Variants in TGFBR3 observed in about 807,000 individuals in gnomAD.
TGFBR3 encodes transforming growth factor beta receptor type 3.
TGFBR3 carries 46 observed loss-of-function variants against 87.9 expected under a neutral mutation model. The ratio of observed to expected loss-of-function variants is 0.52; its 90% CI spans 0.41 to 0.67. The LOEUF (loss-of-function observed/expected upper bound fraction) is 0.67. Among genes scored for constraint, TGFBR3 ranks in the 30% least tolerant of loss-of-function variants. The probability of loss-of-function intolerance (pLI) is 0.00; values close to 1 mark genes in which losing one functional copy is unlikely to be tolerated. For missense variants in TGFBR3, 866 were observed against 1,041.9 expected (o/e 0.83, Z 2.32); for synonymous variants, 381 against 391.6 (o/e 0.97, Z 0.32).
At chr1:91,686,850 G>A (rs960817848) in intron 16 of TGFBR3, among the ~76,000 whole-genome samples, 3 of 152,210 alleles carry the variant, frequency 2.0e-5, no homozygotes, top group African/African-American at 7.2e-5. Context: ...GGGCAGGGAG[G>A]ACCTCGTGGC....
chr1:91,704,675 C>T (rs1671734519), intron 14 of TGFBR3, among the ~76,000 whole-genome samples: 1 of 152,250 alleles, frequency 6.6e-6, no homozygotes, highest in Non-Finnish European at 1.5e-5. Context: ...CCATCACTAT[C>T]ATCACCATCA....
chr1:91,806,788 A>G (rs1415852155), intron 2 of TGFBR3, among the ~76,000 whole-genome samples: 3 of 152,224 alleles, frequency 2.0e-5, no homozygotes, highest in Non-Finnish European at 4.4e-5. Flanking sequence ...TTATTGTCCC[A>G]CAGGGAATTC....
At chr1:91,828,700 C>T (rs1676736465) in intron 2 of TGFBR3, among the ~76,000 whole-genome samples, 1 of 152,178 alleles carries the variant, frequency 6.6e-6, no homozygotes, top group African/African-American at 2.4e-5. Context: ...AGGCACACTA[C>T]TAAAGTTAAG....
chr1:91,809,642 C>A (rs1253025623), intron 2 of TGFBR3, among the ~76,000 whole-genome samples: 1 of 152,200 alleles, frequency 6.6e-6, no homozygotes, highest in Non-Finnish European at 1.5e-5. Context: ...AACACATTTA[C>A]TTTAAGGAGT....
At chr1:91,900,077 A>T (rs1271067045) in intron 1 of TGFBR3, among the ~76,000 whole-genome samples, 1 of 152,160 alleles carries the variant, frequency 6.6e-6, no homozygotes, top group Non-Finnish European at 1.5e-5. Flanking sequence ...ATACTCCTAG[A>T]TATCCCTCTC....
chr1:91,752,323 C>T lies in TGFBR3; in HGVS notation c.384+6290G>A, dbSNP rs370880321. Among the ~76,000 whole-genome samples, 15 of 152,252 alleles carry T rather than the reference C, an allele frequency of 9.9e-5. No homozygotes were observed. In the East Asian group the frequency reaches 1.2e-3, roughly 12 times the overall value. Reference sequence around the variant, plus strand: ...ATTGGGCATCCTCTATTTTTATATGCCAGCTCCAGCAATTGTACCTCAAAG... The same window carrying T: ...ATTGGGCATCCTCTATTTTTATATGTCAGCTCCAGCAATTGTACCTCAAAG... On this transcript the variant is annotated intron_variant, in intron 4 of 16. Coordinates refer to ENST00000212355, the MANE Select transcript of TGFBR3 (RefSeq NM_003243.5).
At chr1:91,773,980 A>C (rs1014668076) in intron 3 of TGFBR3, among the ~76,000 whole-genome samples, 1 of 152,208 alleles carries the variant, frequency 6.6e-6, no homozygotes, top group African/African-American at 2.4e-5. Flanking sequence ...GTGCCCACTT[A>C]GTCTTTTACA....
intron 2 of TGFBR3, among the ~76,000 whole-genome samples, chr1:91,859,956 T>C (rs1015551437): frequency 1.3e-5 from 2 of 151,696 alleles, no homozygotes; most frequent in Non-Finnish European, 2.9e-5. Flanking sequence ...AACATTCTAC[T>C]TTCCAATCCA....
At chr1:91,792,956 G>T (rs181960034) in intron 3 of TGFBR3, among the ~76,000 whole-genome samples, 1 of 152,340 alleles carries the variant, frequency 6.6e-6, no homozygotes, top group African/African-American at 2.4e-5. Flanking sequence ...AATGAGAGGT[G>T]TGTTCTCAGA....
At chr1:91,747,277 C>A (rs377232610) in intron 4 of TGFBR3, among the ~76,000 whole-genome samples, 2 of 152,298 alleles carry the variant, frequency 1.3e-5, no homozygotes, top group African/African-American at 4.8e-5. Context: ...TGTCTTAGGG[C>A]AAGCTTTCTA....
upstream of TGFBR3, among the ~76,000 whole-genome samples, chr1:91,888,804 T>A (rs1242710322): frequency 6.6e-6 from 1 of 152,214 alleles, no homozygotes; most frequent in African/African-American, 2.4e-5. Context: ...AGTGATGAAG[T>A]GACTGGTCCC....
intron 3 of TGFBR3, among the ~76,000 whole-genome samples, chr1:91,764,634 A>G (rs935657363): frequency 6.6e-6 from 1 of 152,134 alleles, no homozygotes; most frequent in Admixed American, 6.5e-5. Context: ...GTTCGGGTGG[A>G]GGAACGCTGC....
chr1:91,853,879 G>A (rs1295969443), intron 2 of TGFBR3, among the ~76,000 whole-genome samples: 3 of 152,064 alleles, frequency 2.0e-5, no homozygotes, highest in Admixed American at 6.5e-5. Flanking sequence ...CAGGTGTGGC[G>A]GCGCATGCCT....
Position 91,683,295 on chromosome 1 carries a change from A to C in TGFBR3, c.*444T>G. The C allele has an allele frequency of 2.2e-6, 1 of 457,976 alleles. No individual in the cohort carries two copies. Among genetic ancestry groups the C allele is most frequent in the Non-Finnish European group, 4.4e-6 (1 of 229,184 alleles). The allele number at this position is 457,976 out of a possible 1,614,324, so 28.4% of individuals were successfully genotyped here. ...CATTTCTTGTTTTACATCTTGGTTC[A>C]GATATAAAGAATCTTTGGCCGCATC... On this transcript the variant is annotated 3_prime_UTR_variant, in exon 17 of 17. Transcript: ENST00000212355.
At position 91,861,556 on chromosome 1, in the gene TGFBR3, C is replaced by A; in HGVS notation, c.-25G>T. ...TTTTTATTTCTCCAACAGTGCGTCT[C>A]GTCCAGTCACTTCAGCCTGCTCAGA... On this transcript the variant is annotated 5_prime_UTR_variant, in exon 2 of 17. Coordinates refer to ENST00000212355, the MANE Select transcript of TGFBR3 (RefSeq NM_003243.5). The A allele has an allele frequency of 6.3e-7, 1 of 1,596,930 alleles. No individual in the cohort carries two copies. Among genetic ancestry groups the A allele is most frequent in the South Asian group, 1.1e-5 (1 of 90,724 alleles).
chr1:91,789,025 C>T (rs1675079932), intron 3 of TGFBR3, among the ~76,000 whole-genome samples: 4 of 152,116 alleles, frequency 2.6e-5, no homozygotes, highest in East Asian at 1.9e-4. Flanking sequence ...CAGCTGGGCA[C>T]GGTGGCTCAC....
chr1:91,744,747 T>C (rs1260148579), intron 4 of TGFBR3, among the ~76,000 whole-genome samples: 2 of 152,200 alleles, frequency 1.3e-5, no homozygotes, highest in Non-Finnish European at 2.9e-5. Flanking sequence ...TTCTAGGCCA[T>C]AGATATGAAT....
At chr1:91,758,538 G>A (rs1222919975) in intron 4 of TGFBR3, 75 bp downstream of exon 4, 16 of 1,553,412 alleles carry the variant, frequency 1.0e-5, no homozygotes, top group African/African-American at 1.4e-5. Flanking sequence ...AAGCCTTTAT[G>A]AAAAGTTTGG....
At chr1:91,756,551 A>G (rs1673753506) in intron 4 of TGFBR3, among the ~76,000 whole-genome samples, 1 of 152,238 alleles carries the variant, frequency 6.6e-6, no homozygotes, top group South Asian at 2.1e-4. Flanking sequence ...GAATTAAAGT[A>G]TTAGAGCATT....
Sources: allele counts gnomAD v4.1 joint callset (sites outside exome capture counted in the v4.1 genomes callset), GRCh38; gene constraint gnomAD v4.1.1; transcripts MANE v1.5; gene names NCBI Gene and HGNC (gene_info 2026-07-23, HGNC 2026-07-21).